NOVA2: variants seen among roughly 807,000 people sequenced by gnomAD.
NOVA2 encodes the protein RNA-binding protein Nova-2.
In NOVA2, 9 loss-of-function variants were observed where a neutral mutation model predicts 22.5. The observed-to-expected ratio is 0.40, with a 90% confidence interval of 0.24 to 0.70. The LOEUF (loss-of-function observed/expected upper bound fraction) is 0.70. NOVA2 is among the 30% of genes least tolerant of loss of function. The probability of loss-of-function intolerance (pLI) is 0.38; values close to 1 mark genes in which losing one functional copy is unlikely to be tolerated. For synonymous variants in NOVA2, 318 were observed against 335.2 expected (o/e 0.95, Z 0.56); for missense variants, 383 against 682.8 (o/e 0.56, Z 4.89).
chr19:45,961,638 G>C (rs931340158), intron 1 of NOVA2, among the ~76,000 whole-genome samples: 3 of 152,148 alleles, frequency 2.0e-5, no homozygotes, highest in Middle Eastern at 3.2e-3. Context: ...TGCAGCACCT[G>C]ATAGGTGCTA....
chr19:45,970,002 A>G (rs964808098), intron 1 of NOVA2, among the ~76,000 whole-genome samples: 1 of 152,162 alleles, frequency 6.6e-6, no homozygotes, highest in Non-Finnish European at 1.5e-5. Context: ...TCTGAGCCTC[A>G]GTTTCCCCAT....
rs1217448382 is a variant in NOVA2, at chr19:45,940,235, C to G, written c.1107G>C (p.Gly369=). 17 of 1,092,684 alleles carry G rather than the reference C, an allele frequency of 1.6e-5. No individual in the cohort carries two copies. Among genetic ancestry groups the G allele is most frequent in the Non-Finnish European group, 1.9e-5 (17 of 903,514 alleles). 67.7% of individuals were successfully genotyped at this position (1,092,684 alleles called of 1,614,324 possible). A position where few individuals can be genotyped will look rare whatever the true frequency, so the allele number is the denominator to read the frequency against. Residue 369 remains glycine, a synonymous_variant, in exon 4 of 4, where the codon GGG becomes GGC. Transcript: ENST00000263257. ...AAAANGYLGA[G]AGGGAGGGGG... Reference sequence around the variant, plus strand: ...CCCCTCCGCCCGCCCCGCCGCCCGCCCCGGCCCCGAGGTAGCCGTTGGCGG... The same window carrying G: ...CCCCTCCGCCCGCCCCGCCGCCCGCGCCGGCCCCGAGGTAGCCGTTGGCGG...
chr19:45,960,038 G>A (rs973729905), intron 2 of NOVA2, among the ~76,000 whole-genome samples: 2 of 151,744 alleles, frequency 1.3e-5, no homozygotes, highest in Non-Finnish European at 2.9e-5. Context: ...GGAGAGGTGA[G>A]AGACTTTGGA....
intron 2 of NOVA2, among the ~76,000 whole-genome samples, chr19:45,958,727 G>C (rs1189287904): frequency 6.6e-6 from 1 of 152,164 alleles, no homozygotes; most frequent in East Asian, 1.9e-4. Flanking sequence ...TTTCTCCACT[G>C]TCATTTCTCA....
Position 45,961,127 on chromosome 19 carries a change from G to T in NOVA2, c.112C>A (p.Leu38Met). The T allele has an allele frequency of 6.2e-7, 1 of 1,600,684 alleles. No homozygotes were observed. Among genetic ancestry groups the T allele is most frequent in the Non-Finnish European group, 8.5e-7 (1 of 1,173,904 alleles). The change falls in exon 2 of 4, where the codon CTG becomes ATG. Residue 38 changes from leucine to methionine, a missense_variant. Coordinates refer to ENST00000263257, the MANE Select transcript of NOVA2 (RefSeq NM_002516.4). ...GEEGEYFLKV[L>M]IPSYAAGSII... Reference sequence around the variant, plus strand: ...GAGCCCGCCGCGTAGCTGGGGATCAGCACCTTCAGGAAGTATTCGCCTTCC... The same window carrying T: ...GAGCCCGCCGCGTAGCTGGGGATCATCACCTTCAGGAAGTATTCGCCTTCC...
intron 1 of NOVA2, among the ~76,000 whole-genome samples, chr19:45,961,522 G>A (rs1429230895): frequency 6.7e-6 from 1 of 149,826 alleles, no homozygotes. Context: ...CACAAAAAAG[G>A]CAGGAAAAGG....
At chr19:45,971,666 G>T (rs558336946) in intron 1 of NOVA2, among the ~76,000 whole-genome samples, 1 of 152,214 alleles carries the variant, frequency 6.6e-6, no homozygotes, top group South Asian at 2.1e-4. Flanking sequence ...CCACTGCCAG[G>T]CCTGGCGGAG....
intron 1 of NOVA2, among the ~76,000 whole-genome samples, chr19:45,964,179 C>CTTTTTTTTTTTTTTTTTTT (rs10555207): frequency 4.7e-5 from 5 of 106,946 alleles, no homozygotes; most frequent in African/African-American, 6.4e-5. Context: ...TTTTCTTTTT[C>CTTTTTTTTTTTTTTTTTTT]TTTTTTTTTT....
intron 1 of NOVA2, chr19:45,967,725 T>G (rs1407056843): frequency 6.6e-6 from 1 of 152,144 alleles, no homozygotes; most frequent in Non-Finnish European, 1.5e-5. Flanking sequence ...GCAGGTCACC[T>G]GAGGTTAGGA....
Position 45,938,522 on chromosome 19 carries a change from A to G in NOVA2, c.*1341T>C, listed in dbSNP as rs950080728. 4 of 152,704 alleles carry G rather than the reference A, an allele frequency of 2.6e-5. No individual in the cohort carries two copies. The highest frequency in any genetic ancestry group is 9.6e-5 in the African/African-American group (4 of 41,462). 9.5% of individuals were successfully genotyped at this position (152,704 alleles called of 1,614,324 possible). A position where few individuals can be genotyped will look rare whatever the true frequency, so the allele number is the denominator to read the frequency against. ...CCACACACTTGGCTCACCCGATTCA[A>G]TGAAACAAAGCCACGCAGACACAGG... On this transcript the variant is annotated 3_prime_UTR_variant, in exon 4 of 4. Coordinates refer to ENST00000263257, the MANE Select transcript of NOVA2 (RefSeq NM_002516.4).
intron 2 of NOVA2, among the ~76,000 whole-genome samples, chr19:45,954,374 AC>A (rs992578475): frequency 8.6e-5 from 13 of 151,832 alleles, no homozygotes; most frequent in South Asian, 6.2e-4. Context: ...AGTAACTGGA[AC>A]CCCCTTATCG....
At position 45,940,931 on chromosome 19, in the gene NOVA2, G is replaced by C; in HGVS notation, c.411C>G (p.Val137=). Residue 137 remains valine (V), a synonymous_variant, in exon 4 of 4, where the codon GTC becomes GTG. Coordinates refer to ENST00000263257, the MANE Select transcript of NOVA2 (RefSeq NM_002516.4). The part of the protein sequence containing the change: ...PDRAKQAKLI[V]PNSTAGLIIG... Reference sequence around the variant, plus strand: ...TGATCAGGCCCGCCGTGCTGTTGGGGACGATCAGCTTGGCCTGCGTGGGGA... The same window carrying C: ...TGATCAGGCCCGCCGTGCTGTTGGGCACGATCAGCTTGGCCTGCGTGGGGA... 6.2e-7 allele frequency: 1 copy of C among 1,603,126 alleles called. No individual in the cohort carries two copies. Among genetic ancestry groups the C allele is most frequent in the Non-Finnish European group, 8.5e-7 (1 of 1,179,520 alleles).
At chr19:45,964,071 A>G (rs559895132) in intron 1 of NOVA2, among the ~76,000 whole-genome samples, 24 of 152,184 alleles carry the variant, frequency 1.6e-4, no homozygotes, top group African/African-American at 5.8e-4. Context: ...AAAGAAAGGG[A>G]GGAGTTAGGC....
intron 3 of NOVA2, among the ~76,000 whole-genome samples, chr19:45,949,985 C>T (rs1218365452): frequency 6.6e-5 from 10 of 151,988 alleles, no homozygotes; most frequent in South Asian, 6.2e-4. Context: ...AAGTAATCCG[C>T]CCACCTCGGC....
chr19:45,954,049 AG>A, intron 2 of NOVA2, 103 bp from the exon 3 acceptor site: 2 of 1,266,426 alleles, frequency 1.6e-6, no homozygotes, highest in Non-Finnish European at 2.3e-6. Flanking sequence ...AGGTCCAGAG[AG>A]TGGACCTGAC....
chr19:45,947,922 G>T (rs1967866209), intron 3 of NOVA2, among the ~76,000 whole-genome samples: 1 of 152,092 alleles, frequency 6.6e-6, no homozygotes, highest in Non-Finnish European at 1.5e-5. Context: ...TCACCTGCTT[G>T]GGTTTAAATC....
chr19:45,943,079 A>G (rs1600598702), intron 3 of NOVA2, among the ~76,000 whole-genome samples: 2 of 140,356 alleles, frequency 1.4e-5, no homozygotes. Flanking sequence ...TTTGAGACGG[A>G]GTCTCACTGT....
chr19:45,967,805 G>A (rs1968185550), intron 1 of NOVA2: 1 of 152,098 alleles, frequency 6.6e-6, no homozygotes, highest in African/African-American at 2.4e-5. Flanking sequence ...AGCCGGGCAT[G>A]GTTGTGGCAC....
At chr19:45,959,566 G>A (rs894637677) in intron 2 of NOVA2, among the ~76,000 whole-genome samples, 1 of 152,090 alleles carries the variant, frequency 6.6e-6, no homozygotes, top group Non-Finnish European at 1.5e-5. Context: ...GTGGGCTACA[G>A]GGGAGTGGGG....
Sources: gnomAD v4.1 joint callset for allele counts (sites outside exome capture counted in the v4.1 genomes callset) on GRCh38, gnomAD v4.1.1 for gene constraint, MANE v1.5 for transcripts, NCBI Gene and HGNC (gene_info 2026-07-23, HGNC 2026-07-21) for gene names.